The following KIF6 variants were observed in gnomAD, a reference collection of about 807,000 sequenced individuals.
KIF6 encodes the protein kinesin-like protein KIF6.
In KIF6, 106 loss-of-function variants were observed where a neutral mutation model predicts 112.7. The observed-to-expected ratio is 0.94, with a 90% CI of 0.80 to 1.11. The LOEUF (loss-of-function observed/expected upper bound fraction) is 1.11. Among genes scored for constraint, KIF6 ranks in the 50% least tolerant of loss-of-function variants. The probability of loss-of-function intolerance (pLI) is 0.00; values close to 1 mark genes in which losing one functional copy is unlikely to be tolerated. For synonymous variants in KIF6, 339 were observed against 339.9 expected, an observed-to-expected ratio of 1.00 and a Z score of 0.03; for missense variants, 929 against 964.0, an observed-to-expected ratio of 0.96 and a Z score of 0.48.
chr6:39,350,516 C>T (rs565054733), intron 19 of KIF6, among the ~76,000 whole-genome samples: 4 of 152,116 alleles, frequency 2.6e-5, no homozygotes, highest in Non-Finnish European at 4.4e-5. Flanking sequence ...GTATTTTGCA[C>T]CTGGCCCAGG....
At chr6:39,583,233 T>C in intron 9 of KIF6, 1 of 248,156 alleles carries the variant, frequency 4.0e-6, no homozygotes, top group South Asian at 4.7e-5. Context: ...TTGGGGCTAA[T>C]AACTTTGTTA....
chr6:39,535,920 C>T (rs1287552910), intron 13 of KIF6, among the ~76,000 whole-genome samples: 7 of 152,234 alleles, frequency 4.6e-5, no homozygotes, highest in South Asian at 4.1e-4. Context: ...CACTCAAAAC[C>T]GCTCAACTAC....
At chr6:39,364,614 T>C (rs565123345) in intron 16 of KIF6, among the ~76,000 whole-genome samples, 9 of 152,344 alleles carry the variant, frequency 5.9e-5, no homozygotes, top group Non-Finnish European at 1.2e-4. Context: ...GTAGGTGAAT[T>C]ACTAACAATG....
At chr6:39,603,483 G>A (rs1363014420) in intron 6 of KIF6, among the ~76,000 whole-genome samples, 2 of 151,832 alleles carry the variant, frequency 1.3e-5, no homozygotes, top group African/African-American at 4.8e-5. Flanking sequence ...TACAGCAGGA[G>A]ATACCTGTCT....
At chr6:39,604,211 T>C (rs1226275023) in intron 6 of KIF6, among the ~76,000 whole-genome samples, 1 of 152,194 alleles carries the variant, frequency 6.6e-6, no homozygotes, top group Admixed American at 6.6e-5. Context: ...TTTTCTGGGT[T>C]GGCATCTTGG....
chr6:39,654,029 A>G (rs1200858363), intron 3 of KIF6, among the ~76,000 whole-genome samples: 1 of 152,188 alleles, frequency 6.6e-6, no homozygotes, highest in Non-Finnish European at 1.5e-5. Context: ...TCACCACAGC[A>G]CTATAGGACG....
chr6:39,508,196 T>TA lies in KIF6; in HGVS notation c.1645+31806dup, dbSNP rs539461412. 3.8e-3 allele frequency among the ~76,000 whole-genome samples: 584 copies of TA among 152,020 alleles called. 5 individuals are homozygous for TA. Among genetic ancestry groups the TA allele is most frequent in the African/African-American group, 0.013 (558 of 41,456 alleles). ...TCCCAGGTATCACCCACAAAGATTCTAACAGGGGAGTTCTACGTGCATTAA... is the reference window on the plus strand; with the variant it reads ...TCCCAGGTATCACCCACAAAGATTCTAAACAGGGGAGTTCTACGTGCATTAA... On this transcript the variant is annotated intron_variant, in intron 13 of 22. Coordinates refer to ENST00000287152, the MANE Select transcript of KIF6 (RefSeq NM_145027.6).
In KIF6 at chr6:39,584,417, T is replaced by TACAAAAAAAAAAAAAA. The variant is rs1481333003; in HGVS notation, c.1077+480_1077+481insTTTTTTTTTTTTTTGT. ...TCCAGCCTGAGCAAGACTCTGTCTCTAAAAAAAAAAAAAAAAAAAAAAAAA... is the reference window on the plus strand; with the variant it reads ...TCCAGCCTGAGCAAGACTCTGTCTCTACAAAAAAAAAAAAAAAAAAAAAAAAAAAAAAAAAAAAAAA... On this transcript the variant is annotated intron_variant, in intron 9 of 22. Transcript: ENST00000287152. 2.1e-3 allele frequency among the ~76,000 whole-genome samples: 95 copies of TACAAAAAAAAAAAAAA among 46,064 alleles called. 24 individuals are homozygous for TACAAAAAAAAAAAAAA. Among genetic ancestry groups the TACAAAAAAAAAAAAAA allele is most frequent in the Non-Finnish European group, 3.0e-3 (49 of 16,118 alleles). 30.2% of individuals were successfully genotyped at this position (46,064 alleles called of 152,430 possible).
At chr6:39,475,102 C>T (rs1283386981) in intron 13 of KIF6, among the ~76,000 whole-genome samples, 1 of 152,138 alleles carries the variant, frequency 6.6e-6, no homozygotes, top group Admixed American at 6.5e-5. Context: ...AATTTGGAAG[C>T]CCTGAGTCAA....
intron 3 of KIF6, among the ~76,000 whole-genome samples, chr6:39,662,268 T>C (rs772214079): frequency 1.1e-4 from 16 of 152,236 alleles, no homozygotes; most frequent in Non-Finnish European, 1.9e-4. Flanking sequence ...GTTTGCTTAC[T>C]ATTTTTTAAG....
chr6:39,338,822 C>T (rs1186698946), intron 22 of KIF6, among the ~76,000 whole-genome samples: 1 of 152,132 alleles, frequency 6.6e-6, no homozygotes, highest in African/African-American at 2.4e-5. Flanking sequence ...TTCTGCTGCA[C>T]TGTTGAAATG....
chr6:39,541,402 C>G, intron 12 of KIF6, among the ~76,000 whole-genome samples: 1 of 152,334 alleles, frequency 6.6e-6, no homozygotes, highest in Middle Eastern at 3.4e-3. Flanking sequence ...CAGAGAAGAA[C>G]AGGGCTCTGG....
chr6:39,566,690 A>T (rs1780297851), intron 10 of KIF6, among the ~76,000 whole-genome samples: 1 of 152,260 alleles, frequency 6.6e-6, no homozygotes, highest in Admixed American at 6.5e-5. Context: ...TGAAGATTCC[A>T]GAAGCAGATG....
chr6:39,421,768 GCGA>G lies in KIF6; in HGVS notation c.1755-1768_1755-1766del, dbSNP rs542775348. On this transcript the variant is annotated intron_variant, in intron 14 of 22. Coordinates refer to ENST00000287152, the MANE Select transcript of KIF6 (RefSeq NM_145027.6). ...GTAGATTATGTATGTTCTCTCCTCA[GCGA>G]CGGCCTGTCACCTTCCAGGGAGAAG... Among the ~76,000 whole-genome samples the G allele has an allele frequency of 5.3e-5, 8 of 152,276 alleles. No individual in the cohort carries two copies. The South Asian group carries it at 1.7e-3, about 32-fold the overall frequency.
At chr6:39,561,892 G>A (rs983261438) in intron 10 of KIF6, among the ~76,000 whole-genome samples, 1 of 152,310 alleles carries the variant, frequency 6.6e-6, no homozygotes, top group East Asian at 1.9e-4. Flanking sequence ...GCTTCTAGTT[G>A]TGTAACTGCT....
intron 3 of KIF6, among the ~76,000 whole-genome samples, chr6:39,704,343 G>A (rs914260744): frequency 1.3e-5 from 2 of 152,174 alleles, no homozygotes; most frequent in African/African-American, 2.4e-5. Flanking sequence ...TTCAGGCCAG[G>A]CGCGTTGGCT....
chr6:39,712,621 T>C (rs553788648), intron 3 of KIF6, among the ~76,000 whole-genome samples: 20 of 152,180 alleles, frequency 1.3e-4, no homozygotes, highest in African/African-American at 3.1e-4. Flanking sequence ...TCCTAGCACT[T>C]TGGGAGGCCG....
In KIF6 at chr6:39,639,722, T is replaced by C. The variant is rs774990929; in HGVS notation, c.287A>G (p.Tyr96Cys). The change falls in exon 4 of 23, where the codon TAT becomes TGT. Residue 96 changes from tyrosine (Y) to cysteine (C), a missense_variant. Physicochemically the swap from Tyr to Cys is radical, Grantham distance 194. Transcript: ENST00000287152. ...TGTCTTCCCGCTGCCTGTTTGCCCA[T>C]ATGCAAAGATGGTACCATTGTAACC... The part of the protein sequence containing the change: ...LAGYNGTIFA[Y>C]GQTGSGKTFT... The C allele has an allele frequency of 7.4e-6, 12 of 1,612,270 alleles. No homozygotes were observed. Among genetic ancestry groups the C allele is most frequent in the Non-Finnish European group, 1.0e-5 (12 of 1,179,076 alleles).
At chr6:39,691,729 C>G (rs569634741) in intron 3 of KIF6, 5 of 152,260 alleles carry the variant, frequency 3.3e-5, no homozygotes, top group Non-Finnish European at 7.4e-5. Flanking sequence ...ATATTAGCAT[C>G]AAATGGAACA....
Sources: allele counts gnomAD v4.1 joint callset (sites outside exome capture counted in the v4.1 genomes callset), GRCh38; gene constraint gnomAD v4.1.1; transcripts MANE v1.5; gene names NCBI Gene and HGNC (gene_info 2026-07-23, HGNC 2026-07-21).